GRIP1: variants seen among roughly 807,000 people sequenced by gnomAD.
The protein encoded by GRIP1 is glutamate receptor interacting protein 1.
A neutral mutation model predicts 129.9 loss-of-function variants in GRIP1; 45 were observed. The observed-to-expected ratio is 0.35, with a 90% CI of 0.27 to 0.44. The LOEUF (loss-of-function observed/expected upper bound fraction) is 0.44. Ranked by LOEUF, GRIP1 falls within the 20% of genes least tolerant of loss-of-function variation. The pLI, the probability that GRIP1 is intolerant of heterozygous loss-of-function variation, is 1.00. For missense variants in GRIP1, 1,196 were observed against 1,396.8 expected, an observed-to-expected ratio of 0.86 and a Z score of 2.29; for synonymous variants, 530 against 520.8, an observed-to-expected ratio of 1.02 and a Z score of -0.24.
intron 1 of GRIP1, among the ~76,000 whole-genome samples, chr12:66,978,581 G>A (rs1437170490): frequency 1.3e-5 from 2 of 152,106 alleles, no homozygotes; most frequent in African/African-American, 4.8e-5. Context: ...AGCTGATGAT[G>A]CCCAGGCATC....
At chr12:66,790,900 G>A (rs1439674846) in intron 1 of GRIP1, among the ~76,000 whole-genome samples, 1 of 152,220 alleles carries the variant, frequency 6.6e-6, no homozygotes, top group African/African-American at 2.4e-5. Context: ...GGGAAGGAGC[G>A]GGAGGAAGGA....
At chr12:66,685,798 A>G (rs1259085206) in intron 1 of GRIP1, among the ~76,000 whole-genome samples, 1 of 152,134 alleles carries the variant, frequency 6.6e-6, no homozygotes, top group African/African-American at 2.4e-5. Context: ...CTATGTCACT[A>G]ATCACCATCT....
At chr12:67,060,188 G>A (rs1226368144) in intron 1 of GRIP1, among the ~76,000 whole-genome samples, 1 of 152,194 alleles carries the variant, frequency 6.6e-6, no homozygotes, top group African/African-American at 2.4e-5. Flanking sequence ...TAAGAAGAGA[G>A]GACTTCCCAT....
chr12:66,506,123 G>A (rs535060485), intron 7 of GRIP1, among the ~76,000 whole-genome samples: 67 of 152,282 alleles, frequency 4.4e-4, no homozygotes, highest in Non-Finnish European at 7.2e-4. Flanking sequence ...GGAAACACTC[G>A]TTGGCAGTAT....
At chr12:66,609,162 A>G (rs868773302) in intron 1 of GRIP1, among the ~76,000 whole-genome samples, 3 of 152,058 alleles carry the variant, frequency 2.0e-5, no homozygotes, top group Non-Finnish European at 2.9e-5. Context: ...TCAAAAGCTA[A>G]TAAGAATCAG....
At chr12:66,457,743 G>T (rs10878426) in intron 9 of GRIP1, among the ~76,000 whole-genome samples, 60,395 of 151,924 alleles carry the variant, frequency 0.4, 13,058 homozygotes, top group African/African-American at 0.55. Context: ...AATGAAACAG[G>T]ACATGAAAAA....
chr12:66,951,341 G>T (rs1031861277), intron 1 of GRIP1, among the ~76,000 whole-genome samples: 1 of 152,174 alleles, frequency 6.6e-6, no homozygotes, highest in Admixed American at 6.5e-5. Context: ...TGAAGTATGG[G>T]CTGGGGAATG....
At chr12:66,568,919 G>C in intron 2 of GRIP1, 1 of 523,496 alleles carries the variant, frequency 1.9e-6, no homozygotes, top group Non-Finnish European at 3.9e-6. Flanking sequence ...GAGACAGTCT[G>C]GGAAGGCATT....
At chr12:66,482,789 A>G (rs1156743802) in intron 7 of GRIP1, among the ~76,000 whole-genome samples, 1 of 152,234 alleles carries the variant, frequency 6.6e-6, no homozygotes. Flanking sequence ...CAAAATGAGA[A>G]AAATAGAGGA....
chr12:66,682,717 T>C (rs1456505710), upstream of GRIP1, among the ~76,000 whole-genome samples: 1 of 152,170 alleles, frequency 6.6e-6, no homozygotes, highest in Non-Finnish European at 1.5e-5. Context: ...AGAATCATCA[T>C]AAACCAAAAA....
At position 66,678,912 on chromosome 12, in the gene GRIP1, C is replaced by T; in HGVS notation, c.-8G>A. On this transcript the variant is annotated 5_prime_UTR_variant, in exon 1 of 25. The change abolishes the stop of an existing upstream ORF in the 5' untranslated region. Coordinates refer to ENST00000359742, the MANE Select transcript of GRIP1 (RefSeq NM_001366722.1). ...AAAAGAGACAGCTATCATTCTTGCT[C>T]ACTGCTTTCTGTGGCAAAGTGTACT... is the stretch of plus-strand genomic sequence containing the variant. The T allele has an allele frequency of 1.2e-6, 2 of 1,613,340 alleles. No homozygotes were observed. The highest frequency in any genetic ancestry group is 1.7e-6 in the Non-Finnish European group (2 of 1,179,548).
intron 1 of GRIP1, among the ~76,000 whole-genome samples, chr12:66,854,426 G>A (rs1291125815): frequency 6.6e-6 from 1 of 151,940 alleles, no homozygotes; most frequent in Non-Finnish European, 1.5e-5. Context: ...AGCTTCTGAA[G>A]GATTTTCAGT....
chr12:66,439,516 A>AGTAGTGTAGTGTAGTGTAGT (rs3047974), intron 13 of GRIP1, among the ~76,000 whole-genome samples: 1 of 151,808 alleles, frequency 6.6e-6, no homozygotes, highest in Admixed American at 6.6e-5. Context: ...TTTCAAACAC[A>AGTAGTGTAGTGTAGTGTAGT]GTAGTGTAGT....
intron 1 of GRIP1, among the ~76,000 whole-genome samples, chr12:66,711,962 A>G (rs10506493): frequency 0.073 from 11,117 of 152,010 alleles, 548 homozygotes; most frequent in Middle Eastern, 0.15. Flanking sequence ...GTATATATTC[A>G]TGCAAAACTA....
intron 1 of GRIP1, among the ~76,000 whole-genome samples, chr12:66,846,389 T>C (rs1022618679): frequency 6.6e-6 from 1 of 152,338 alleles, no homozygotes; most frequent in East Asian, 1.9e-4. Flanking sequence ...TGAGTCATCT[T>C]CATCCCCACA....
chr12:66,878,029 A>G (rs902667370), intron 1 of GRIP1, among the ~76,000 whole-genome samples: 10 of 152,078 alleles, frequency 6.6e-5, no homozygotes, highest in Non-Finnish European at 1.5e-5. Flanking sequence ...TCAGTCAACA[A>G]TGATTAAGCA....
intron 1 of GRIP1, among the ~76,000 whole-genome samples, chr12:66,631,007 C>T (rs2030716638): frequency 6.6e-6 from 1 of 152,170 alleles, no homozygotes; most frequent in African/African-American, 2.4e-5. Context: ...ATGATCTCCA[C>T]TCACTGCAAC....
In GRIP1 at chr12:67,028,064, T is replaced by C. The variant is rs191674487; in HGVS notation, c.58+40986A>G. On this transcript the variant is annotated intron_variant, in intron 1 of 1. Coordinates refer to the GRIP1 transcript ENST00000643019. ...CCCTCACCTCCAAACACTGTGTCTC[T>C]CTGGTCACCTGGATATTTTCTGGAC... is the stretch of plus-strand genomic sequence containing the variant. Among the ~76,000 whole-genome samples, 96 of 152,292 alleles carry C rather than the reference T, an allele frequency of 6.3e-4. 1 individual carries two copies. Among genetic ancestry groups the C allele is most frequent in the African/African-American group, 2.3e-3 (95 of 41,570 alleles).
At chr12:66,389,772 G>A (rs1334281095) in intron 19 of GRIP1, among the ~76,000 whole-genome samples, 2 of 152,132 alleles carry the variant, frequency 1.3e-5, no homozygotes, top group Admixed American at 6.5e-5. Flanking sequence ...CGGGCTGTCG[G>A]GCTGTTGTGT....
Sources: allele counts gnomAD v4.1 joint callset (sites outside exome capture counted in the v4.1 genomes callset), GRCh38; gene constraint gnomAD v4.1.1; transcripts MANE v1.5; gene names NCBI Gene and HGNC (gene_info 2026-07-23, HGNC 2026-07-21).